The following RIMS2 variants were observed in gnomAD, a reference collection of about 807,000 sequenced individuals.
The protein encoded by RIMS2 is regulating synaptic membrane exocytosis protein 2.
Under a neutral mutation model 174.4 loss-of-function variants are expected in RIMS2, and 59 were observed. That is an observed-to-expected ratio of 0.34 (90% CI 0.27 to 0.42). The LOEUF (loss-of-function observed/expected upper bound fraction) is 0.42. RIMS2 is among the 10% of genes least tolerant of loss of function. RIMS2 has a pLI of 1.00. For synonymous variants in RIMS2, 606 were observed against 572.5 expected (o/e 1.06, Z -0.84); for missense variants, 1,620 against 1,666.3 (o/e 0.97, Z 0.48).
intron 19 of RIMS2, among the ~76,000 whole-genome samples, chr8:104,180,001 T>C: frequency 6.6e-6 from 1 of 151,806 alleles, no homozygotes; most frequent in Admixed American, 6.6e-5. Context: ...CACTTAAAAA[T>C]ATAATTTAGA....
chr8:104,213,929 G>A (rs751858634), intron 19 of RIMS2, among the ~76,000 whole-genome samples: 7 of 151,226 alleles, frequency 4.6e-5, no homozygotes, highest in African/African-American at 7.3e-5. Context: ...AGAAATAACC[G>A]CAAATAGAAT....
intron 19 of RIMS2, among the ~76,000 whole-genome samples, chr8:104,052,572 A>T (rs1377044051): frequency 6.6e-6 from 1 of 152,232 alleles, no homozygotes; most frequent in Non-Finnish European, 1.5e-5. Flanking sequence ...GGGCTAACAT[A>T]GTGTCCAAGA....
At chr8:104,226,200 C>T (rs1230053907) in intron 19 of RIMS2, among the ~76,000 whole-genome samples, 4 of 152,182 alleles carry the variant, frequency 2.6e-5, no homozygotes, top group Non-Finnish European at 2.9e-5. Flanking sequence ...CTAAAGAGCA[C>T]GGATCTACTA....
intron 3 of RIMS2, among the ~76,000 whole-genome samples, chr8:103,824,228 A>T (rs1306115495): frequency 1.3e-5 from 2 of 152,286 alleles, no homozygotes; most frequent in East Asian, 3.9e-4. Flanking sequence ...TGACAGGTAA[A>T]TGTTAACTAT....
chr8:103,979,380 A>G (rs1466626043), intron 16 of RIMS2, among the ~76,000 whole-genome samples: 1 of 152,254 alleles, frequency 6.6e-6, no homozygotes, highest in Non-Finnish European at 1.5e-5. Flanking sequence ...GTTGCAATGT[A>G]AACTAATACA....
intron 2 of RIMS2, among the ~76,000 whole-genome samples, chr8:103,699,616 T>C (rs35381068): frequency 0.18 from 26,730 of 152,038 alleles, 2,557 homozygotes; most frequent in African/African-American, 0.23. Context: ...TTGTCTTTTC[T>C]TTTTCTGCTT....
chr8:104,014,852 A>T (rs980744837), intron 19 of RIMS2, among the ~76,000 whole-genome samples: 6 of 152,202 alleles, frequency 3.9e-5, no homozygotes, highest in Admixed American at 2.0e-4. Context: ...GAATAAATGC[A>T]TCTTAAAAAG....
intron 1 of RIMS2, among the ~76,000 whole-genome samples, chr8:103,639,098 G>C (rs2096163650): frequency 6.6e-6 from 1 of 151,788 alleles, no homozygotes; most frequent in Non-Finnish European, 1.5e-5. Context: ...ATGCTAACTT[G>C]TATAGTATGG....
At chr8:104,079,186 A>G (rs1327894613) in intron 19 of RIMS2, among the ~76,000 whole-genome samples, 2 of 152,134 alleles carry the variant, frequency 1.3e-5, no homozygotes, top group Non-Finnish European at 2.9e-5. Flanking sequence ...CTCCCTTTTT[A>G]GTAACATAAA....
intron 19 of RIMS2, among the ~76,000 whole-genome samples, chr8:104,210,267 T>G (rs75427479): frequency 6.6e-6 from 1 of 152,164 alleles, no homozygotes; most frequent in South Asian, 2.1e-4. Flanking sequence ...CTAGAACCAA[T>G]TTCTGGATTT....
intron 1 of RIMS2, among the ~76,000 whole-genome samples, chr8:103,636,960 C>T (rs893671302): frequency 3.3e-5 from 5 of 152,250 alleles, no homozygotes; most frequent in East Asian, 1.9e-4. Context: ...AGGATTCAAG[C>T]TTGTTTAGTT....
At chr8:103,588,051 A>G (rs2094056413) in intron 1 of RIMS2, among the ~76,000 whole-genome samples, 1 of 152,108 alleles carries the variant, frequency 6.6e-6, no homozygotes, top group Non-Finnish European at 1.5e-5. Context: ...AAACAAATTC[A>G]GTAAAGTTAC....
At position 103,757,002 on chromosome 8, in the gene RIMS2, TGTGTGTGTGAGAGAGA is replaced by T. The variant is rs1320741465; in HGVS notation, c.388-9223_388-9208del. ...GTCTGTGTGTGTGTGTGTGTGTGTGTGTGTGTGTGAGAGAGAGAGAGAGAGAGAGAGAGAGATACAG... is the reference window on the plus strand; with the variant it reads ...GTCTGTGTGTGTGTGTGTGTGTGTGTGAGAGAGAGAGAGAGAGAGATACAG... On this transcript the variant is annotated intron_variant, in intron 2 of 23. Coordinates refer to ENST00000504942, the Ensembl canonical transcript of RIMS2. 8.9e-3 allele frequency among the ~76,000 whole-genome samples: 1,288 copies of T among 144,350 alleles called. 13 individuals are homozygous for T. Among genetic ancestry groups the T allele is most frequent in the East Asian group, 0.026 (130 of 5,046 alleles). 94.7% of individuals were successfully genotyped at this position (144,350 alleles called of 152,430 possible).
intron 19 of RIMS2, 143 bp from the exon 24 acceptor site, chr8:104,093,328 T>A (rs1178068823): frequency 9.2e-6 from 5 of 543,406 alleles, no homozygotes; most frequent in Non-Finnish European, 1.3e-5. Context: ...ATAATTGCCA[T>A]TCACTTTTGT....
chr8:104,240,299 T>G (rs2099280008), intron 19 of RIMS2, among the ~76,000 whole-genome samples: 2 of 152,218 alleles, frequency 1.3e-5, no homozygotes, highest in Non-Finnish European at 2.9e-5. Flanking sequence ...CTACCACATT[T>G]TCTTTCTATA....
chr8:104,101,465 A>G (rs561803404), intron 19 of RIMS2, among the ~76,000 whole-genome samples: 57 of 152,290 alleles, frequency 3.7e-4, no homozygotes, highest in African/African-American at 1.3e-3. Context: ...ATTAGACATA[A>G]TAATTGAAAT....
intron 19 of RIMS2, among the ~76,000 whole-genome samples, chr8:104,172,661 G>A (rs2098839044): frequency 6.6e-6 from 1 of 152,100 alleles, no homozygotes; most frequent in South Asian, 2.1e-4. Flanking sequence ...AAGTTTGCCT[G>A]TCTATTCTAG....
intron 3 of RIMS2, among the ~76,000 whole-genome samples, chr8:103,840,669 A>C (rs906879552): frequency 6.6e-6 from 1 of 151,982 alleles, no homozygotes; most frequent in Non-Finnish European, 1.5e-5. Flanking sequence ...TTTCCTATAT[A>C]CTATATACGA....
At chr8:103,839,310 A>C (rs1265996061) in intron 3 of RIMS2, among the ~76,000 whole-genome samples, 1 of 152,168 alleles carries the variant, frequency 6.6e-6, no homozygotes, top group Non-Finnish European at 1.5e-5. Flanking sequence ...TAAACACCTA[A>C]ATGATGTATT....
Sources: gnomAD v4.1 joint callset for allele counts (sites outside exome capture counted in the v4.1 genomes callset) on GRCh38, gnomAD v4.1.1 for gene constraint, MANE v1.5 for transcripts, NCBI Gene and HGNC (gene_info 2026-07-23, HGNC 2026-07-21) for gene names.